Variants in GSE1 observed in about 807,000 individuals in gnomAD.
GSE1 encodes genetic suppressor element 1.
In GSE1, 32 loss-of-function variants were observed where a neutral mutation model predicts 112.6. The ratio of observed to expected loss-of-function variants is 0.28; its 90% CI spans 0.21 to 0.38. GSE1 has a LOEUF of 0.38. GSE1 is among the 10% of genes least tolerant of loss of function. GSE1 has a pLI of 1.00. For missense variants in GSE1, 2,348 were observed against 1,699.2 expected (o/e 1.38, Z -6.71); for synonymous variants, 1,115 against 735.6 (o/e 1.52, Z -8.35).
intron 2 of GSE1, among the ~76,000 whole-genome samples, chr16:85,464,573 T>C (rs1201753572): frequency 1.3e-5 from 2 of 152,176 alleles, no homozygotes; most frequent in African/African-American, 4.8e-5. Flanking sequence ...GGAGTCTCTG[T>C]TTCCCCCGAG....
At chr16:85,228,304 C>G (rs887014564) in intron 1 of GSE1, among the ~76,000 whole-genome samples, 1 of 152,140 alleles carries the variant, frequency 6.6e-6, no homozygotes, top group African/African-American at 2.4e-5. Context: ...TGCTGGGGAG[C>G]CATTGTAGGT....
chr16:85,555,319 G>GT (rs2045147165), upstream of GSE1: 12 of 984,662 alleles, frequency 1.2e-5, no homozygotes, highest in Non-Finnish European at 1.4e-5. Context: ...GCCCCCGCGA[G>GT]TTCTTTCTCC....
At chr16:85,435,402 C>G (rs1481654795) in intron 2 of GSE1, among the ~76,000 whole-genome samples, 1 of 152,142 alleles carries the variant, frequency 6.6e-6, no homozygotes, top group Non-Finnish European at 1.5e-5. Flanking sequence ...CTCCCTCTGC[C>G]CAGCTCTAGA....
At chr16:85,654,068 C>G (rs1427113559) in intron 3 of GSE1, among the ~76,000 whole-genome samples, 1 of 152,144 alleles carries the variant, frequency 6.6e-6, no homozygotes, top group Non-Finnish European at 1.5e-5. Flanking sequence ...CGCACTTCAC[C>G]CCAGACCTGT....
chr16:85,236,780 T>A (rs548102828), intron 1 of GSE1, among the ~76,000 whole-genome samples: 56 of 152,098 alleles, frequency 3.7e-4, no homozygotes, highest in African/African-American at 1.3e-3. Context: ...AGGGAACAAC[T>A]CCTGCTGCCT....
chr16:85,642,019 G>A (rs975684086), intron 2 of GSE1, among the ~76,000 whole-genome samples: 10 of 152,204 alleles, frequency 6.6e-5, no homozygotes, highest in East Asian at 1.9e-4. Flanking sequence ...GACCTGCCCC[G>A]CCCTCCCTCC....
At chr16:85,357,039 C>G (rs1308456004) in intron 1 of GSE1, among the ~76,000 whole-genome samples, 2 of 152,196 alleles carry the variant, frequency 1.3e-5, no homozygotes, top group African/African-American at 4.8e-5. Flanking sequence ...TCTGGGCAAG[C>G]ACCACAGAAT....
At chr16:85,436,404 G>A (rs1013435019) in intron 2 of GSE1, among the ~76,000 whole-genome samples, 5 of 152,316 alleles carry the variant, frequency 3.3e-5, no homozygotes, top group Admixed American at 1.3e-4. Context: ...GCATCCCGGC[G>A]TCTCTGCTCA....
chr16:85,333,653 G>A (rs996067086), intron 1 of GSE1, among the ~76,000 whole-genome samples: 17 of 152,208 alleles, frequency 1.1e-4, no homozygotes, highest in Non-Finnish European at 2.2e-4. Flanking sequence ...GGAACTGGCT[G>A]GGTTACAGGA....
chr16:85,655,274 C>T (rs945993284), intron 5 of GSE1, among the ~76,000 whole-genome samples: 3 of 152,222 alleles, frequency 2.0e-5, no homozygotes, highest in Admixed American at 1.3e-4. Flanking sequence ...GTTAAGAGAG[C>T]AGGGCTTTGC....
chr16:85,599,835 G>A lies in GSE1; in HGVS notation c.37+43472G>A, dbSNP rs188736115. 3.5e-4 allele frequency among the ~76,000 whole-genome samples: 54 copies of A among 152,356 alleles called. No individual in the cohort carries two copies. The South Asian group carries it at 7.5e-3, about 21-fold the overall frequency. ...GGATTACTTGAGCCCAGGAGTTAGAGGCTGCAGTGAGCTATGATCGTACCA... is the reference window on the plus strand; with the variant it reads ...GGATTACTTGAGCCCAGGAGTTAGAAGCTGCAGTGAGCTATGATCGTACCA... On this transcript the variant is annotated intron_variant, in intron 1 of 2. Transcript: ENST00000635906.
At chr16:85,465,566 C>T (rs138375420) in intron 2 of GSE1, among the ~76,000 whole-genome samples, 18 of 152,282 alleles carry the variant, frequency 1.2e-4, no homozygotes, top group Non-Finnish European at 2.4e-4. Context: ...TTTTTTCTTC[C>T]ACCTGGAAGT....
intron 1 of GSE1, among the ~76,000 whole-genome samples, chr16:85,237,603 C>A (rs1904789815): frequency 6.6e-6 from 1 of 152,064 alleles, no homozygotes; most frequent in African/African-American, 2.4e-5. Flanking sequence ...CTTTGGGAGG[C>A]CGAGGCGGGC....
At chr16:85,286,879 C>T (rs775470665) in intron 1 of GSE1, among the ~76,000 whole-genome samples, 8 of 152,064 alleles carry the variant, frequency 5.3e-5, no homozygotes, top group Non-Finnish European at 1.2e-4. Flanking sequence ...TTTCGTTGTC[C>T]CATAGTATGG....
chr16:85,622,516 A>G (rs770899348), intron 1 of GSE1, among the ~76,000 whole-genome samples: 2 of 152,206 alleles, frequency 1.3e-5, no homozygotes, highest in Admixed American at 6.5e-5. Flanking sequence ...ATCTTCAAAC[A>G]CACGCTCCCA....
At chr16:85,358,511 G>C (rs140782932) in intron 2 of GSE1, among the ~76,000 whole-genome samples, 9 of 152,132 alleles carry the variant, frequency 5.9e-5, no homozygotes, top group African/African-American at 2.4e-5. Context: ...AGTGAGGGCA[G>C]TGGGTCCAAA....
chr16:85,482,977 C>CAAAAAAAAAAAAAA (rs3054201), intron 2 of GSE1, among the ~76,000 whole-genome samples: 1 of 48,302 alleles, frequency 2.1e-5, no homozygotes, highest in African/African-American at 7.1e-5. Context: ...GACTCCGTCT[C>CAAAAAAAAAAAAAA]AAAAAAAAAA....
chr16:85,339,357 T>C (rs1413865921), intron 1 of GSE1, among the ~76,000 whole-genome samples: 1 of 152,138 alleles, frequency 6.6e-6, no homozygotes, highest in African/African-American at 2.4e-5. Context: ...CTGTGCTCGC[T>C]CCAGCCGTGA....
chr16:85,467,362 T>C (rs1249295199), intron 2 of GSE1, among the ~76,000 whole-genome samples: 2 of 152,246 alleles, frequency 1.3e-5, no homozygotes, highest in Non-Finnish European at 2.9e-5. Flanking sequence ...CAGCTATTGC[T>C]ATGTAACAAA....
Sources: allele counts gnomAD v4.1 joint callset (sites outside exome capture counted in the v4.1 genomes callset), GRCh38; gene constraint gnomAD v4.1.1; transcripts MANE v1.5; gene names NCBI Gene and HGNC (gene_info 2026-07-23, HGNC 2026-07-21).